NR3C1: variants seen among roughly 807,000 people sequenced by gnomAD.
NR3C1 encodes glucocorticoid receptor.
Under a neutral mutation model 74.0 loss-of-function variants are expected in NR3C1, and 14 were observed. The ratio of observed to expected loss-of-function variants is 0.19; its 90% CI spans 0.12 to 0.30. The LOEUF (loss-of-function observed/expected upper bound fraction) is 0.30. Ranked by LOEUF, NR3C1 falls within the 10% of genes least tolerant of loss-of-function variation. The probability of loss-of-function intolerance (pLI) is 1.00; values close to 1 mark genes in which losing one functional copy is unlikely to be tolerated. For synonymous variants in NR3C1, 308 were observed against 332.5 expected (o/e 0.93, Z 0.80); for missense variants, 695 against 909.8 (o/e 0.76, Z 3.04).
At chr5:143,307,550 C>T (rs1271239038) in intron 4 of NR3C1, among the ~76,000 whole-genome samples, 1 of 152,098 alleles carries the variant, frequency 6.6e-6, no homozygotes, top group South Asian at 2.1e-4. Flanking sequence ...TTCAGAAAAG[C>T]ACCTAAAAAT....
At chr5:143,346,516 G>A (rs1408553267) in intron 2 of NR3C1, among the ~76,000 whole-genome samples, 3 of 152,164 alleles carry the variant, frequency 2.0e-5, no homozygotes, top group African/African-American at 7.2e-5. Flanking sequence ...CAAAGGTATA[G>A]GGGCCTTGAA....
At position 143,300,553 on chromosome 5, in the gene NR3C1, A is replaced by G; in HGVS notation, c.1679T>C (p.Met560Thr). ...CCCTCCTAACATGTTGAGCGTAGTC[A>G]TGATCCTCCAAGTTGAGTCTGGAAC... ...SSVPDSTWRI[M>T]TTLNMLGGRQ... Residue 560 changes from methionine to threonine, a missense_variant, in exon 5 of 9, where the codon ATG (methionine) becomes ACG (threonine). Transcript: ENST00000394464. This position sits in a 1 kb window ranked among gnomAD's most constrained non-coding sequence, Gnocchi z 5.2. 6.2e-7 allele frequency: 1 copy of G among 1,614,200 alleles called. No individual in the cohort carries two copies. The highest frequency in any genetic ancestry group is 8.5e-7 in the Non-Finnish European group (1 of 1,180,024).
chr5:143,399,340 A>G (rs937352086), intron 2 of NR3C1, among the ~76,000 whole-genome samples: 1 of 152,232 alleles, frequency 6.6e-6, no homozygotes, highest in South Asian at 2.1e-4. Flanking sequence ...ATGAGACATT[A>G]TACTCTCCTG....
intron 2 of NR3C1, among the ~76,000 whole-genome samples, chr5:143,394,852 T>C (rs145171412): frequency 7.1e-4 from 108 of 152,040 alleles, no homozygotes; most frequent in African/African-American, 2.4e-3. Context: ...ACTGTTAGTT[T>C]TCAGAACTGA....
intron 2 of NR3C1, among the ~76,000 whole-genome samples, chr5:143,388,030 T>A (rs1837567872): frequency 6.6e-6 from 1 of 152,116 alleles, no homozygotes; most frequent in Non-Finnish European, 1.5e-5. Context: ...GTTCCTATAT[T>A]GACAATTTAC....
chr5:143,414,178 T>G (rs1421242999), intron 1 of NR3C1, among the ~76,000 whole-genome samples: 1 of 152,212 alleles, frequency 6.6e-6, no homozygotes, highest in Non-Finnish European at 1.5e-5. Flanking sequence ...GTATCTCCAC[T>G]TAATTGGGCC....
upstream of NR3C1, chr5:143,405,287 G>C (rs550447684): frequency 1.9e-3 from 1,860 of 985,802 alleles, 3 homozygotes; most frequent in Middle Eastern, 5.2e-3. Flanking sequence ...GGCTGCCGCA[G>C]CTCCACCTAA....
In NR3C1 at chr5:143,403,470, G is replaced by C. The variant is rs1206419654; in HGVS notation, c.-273C>G. ...TCGAGGTTCCGGGCGCGCGTGCCCC[G>C]TCCCGGTCCCAGCTGCTTCGGCCGC... On this transcript the variant is annotated 5_prime_UTR_variant, in exon 1 of 9. Transcript: ENST00000394464. 9 of 984,234 alleles carry C rather than the reference G, an allele frequency of 9.1e-6. No homozygotes were observed. The highest frequency in any genetic ancestry group is 1.1e-5 in the Non-Finnish European group (9 of 829,714). The allele number at this position is 984,234 out of a possible 1,614,324, so 61.0% of individuals were successfully genotyped here.
At chr5:143,321,081 C>T (rs1486940629) in intron 2 of NR3C1, among the ~76,000 whole-genome samples, 1 of 152,146 alleles carries the variant, frequency 6.6e-6, no homozygotes, top group East Asian at 1.9e-4. Context: ...TATGGTTCCT[C>T]ACACATAAGA....
chr5:143,394,456 T>C (rs1201211114), intron 2 of NR3C1, among the ~76,000 whole-genome samples: 1 of 151,848 alleles, frequency 6.6e-6, no homozygotes, highest in Non-Finnish European at 1.5e-5. Flanking sequence ...AAGAAAAGGG[T>C]TGCTCTCCAG....
rs577853508 is a variant in NR3C1 at position 143,399,321 on chromosome 5, TATG to T, written c.1184+332_1184+334del. Among the ~76,000 whole-genome samples, 483 of 152,306 alleles carry T rather than the reference TATG, an allele frequency of 3.2e-3. 4 individuals carry two copies. The highest frequency in any genetic ancestry group is 0.011 in the African/African-American group (456 of 41,560). ...AGCTGAATGACCATGCACAACACAA[TATG>T]ATATTATGAGACATTATACTCTCCT... On this transcript the variant is annotated intron_variant, in intron 2 of 8. Coordinates refer to ENST00000394464, the MANE Select transcript of NR3C1 (RefSeq NM_000176.3).
intron 1 of NR3C1, among the ~76,000 whole-genome samples, chr5:143,411,456 A>G (rs1452048335): frequency 6.6e-6 from 1 of 152,232 alleles, no homozygotes; most frequent in Non-Finnish European, 1.5e-5. Flanking sequence ...TATCTCGCTC[A>G]TTAATGTAAA....
rs1324897761 is a variant in NR3C1 at position 143,400,058 on chromosome 5, C to T, written c.782G>A (p.Gly261Glu). 1 of 1,614,062 alleles carries T rather than the reference C, an allele frequency of 6.2e-7. No homozygotes were observed. ...ACTGGGGCTTGACAAAACCAGATCT[C>T]CATTATCCTTAATTTTGGGTTTAGT... ...PDTKPKIKDN[G>E]DLVLSSPSNV... The change falls in exon 2 of 9, where the codon GGA (glycine) becomes GAA (glutamate). Residue 261 changes from glycine to glutamate, a missense_variant. Gly to Glu is a moderately conservative substitution (Grantham distance 98). This residue lies in a region of NR3C1 where 497 missense variants were observed against 489.5 expected (regional missense o/e 1.02). Transcript: ENST00000394464.
chr5:143,427,562 G>T (rs184629364), intron 1 of NR3C1, among the ~76,000 whole-genome samples: 2 of 152,152 alleles, frequency 1.3e-5, no homozygotes, highest in African/African-American at 4.8e-5. Context: ...TGGGAAGGCC[G>T]TAGCCAGTGT....
chr5:143,310,279 T>G, intron 3 of NR3C1, 66 bp from the exon 4 acceptor site: 1 of 1,141,912 alleles, frequency 8.8e-7, no homozygotes, highest in Non-Finnish European at 1.3e-6. Flanking sequence ...AAGGACAGCC[T>G]CTGTCTTTGT....
intron 2 of NR3C1, among the ~76,000 whole-genome samples, chr5:143,365,058 C>T (rs1030119327): frequency 4.0e-5 from 6 of 151,816 alleles, no homozygotes; most frequent in African/African-American, 1.5e-4. Context: ...AAGAAAATAA[C>T]TAAAAACATA....
At chr5:143,311,289 C>A (rs1447620848) in intron 3 of NR3C1, among the ~76,000 whole-genome samples, 1 of 151,988 alleles carries the variant, frequency 6.6e-6, no homozygotes, top group Non-Finnish European at 1.5e-5. Flanking sequence ...AATCACTGTC[C>A]TACAGTTACT....
chr5:143,416,385 T>C (rs1428191567), intron 1 of NR3C1, among the ~76,000 whole-genome samples: 2 of 151,936 alleles, frequency 1.3e-5, no homozygotes, highest in Admixed American at 1.3e-4. Flanking sequence ...TCAACAGGAA[T>C]AGCTAAGCTG....
At chr5:143,376,287 A>G (rs1329328939) in intron 2 of NR3C1, among the ~76,000 whole-genome samples, 2 of 152,230 alleles carry the variant, frequency 1.3e-5, no homozygotes, top group Admixed American at 1.3e-4. Flanking sequence ...GTTGGAACCA[A>G]AGATTGTTAC....
Sources: allele counts gnomAD v4.1 joint callset (sites outside exome capture counted in the v4.1 genomes callset), GRCh38; gene constraint gnomAD v4.1.1; regional missense constraint gnomAD v4.1.1; non-coding constraint Gnocchi (gnomAD v3.1); transcripts MANE v1.5; gene names NCBI Gene and HGNC (gene_info 2026-07-23, HGNC 2026-07-21).